Variants in IQCC observed in about 807,000 individuals in gnomAD.
IQCC encodes IQ motif containing C.
A neutral mutation model predicts 27.0 loss-of-function variants in IQCC; 23 were observed. That is an observed-to-expected ratio of 0.85 (90% CI 0.61 to 1.21). The LOEUF is 1.21. Ranked by LOEUF, IQCC falls within the 50% of genes most tolerant of loss-of-function variation. The pLI is 0.00. For synonymous variants in IQCC, 220 were observed against 217.2 expected (o/e 1.01, Z -0.11); for missense variants, 552 against 562.3 (o/e 0.98, Z 0.19).
At position 32,206,407 on chromosome 1, in the gene IQCC, CA is replaced by C. The variant is rs1643337890; in HGVS notation, c.187-101del. ...AAGAGGCAGTAGACTCACCTCCTCA[CA>C]CCCCACTCCTTAACCCTCACCAACT... On this transcript the variant is annotated intron_variant, in intron 2 of 4. Transcript: ENST00000291358. The C allele has an allele frequency of 9.4e-6, 15 of 1,597,952 alleles. No homozygotes were observed. The South Asian group carries it at 1.0e-4, about 11-fold the overall frequency.
Position 32,207,607 on chromosome 1 carries a change from T to C in IQCC, c.926T>C (p.Phe309Ser), listed in dbSNP as rs776122309. Residue 309 changes from phenylalanine (F) to serine (S), a missense_variant, in exon 5 of 5, where the codon TTT becomes TCT. By Grantham distance (155) the Phe-to-Ser change is radical. Coordinates refer to ENST00000291358, the MANE Select transcript of IQCC (RefSeq NM_018134.3). ...TKGPDDGRQT[F>S]GGTCLLQMKI... ...GGGCCAGACGATGGAAGACAGACCT[T>C]TGGAGGGACCTGCCTGCTGCAGATG... The C allele has an allele frequency of 2.5e-6, 4 of 1,613,770 alleles. No individual in the cohort carries two copies. The highest frequency in any genetic ancestry group is 1.7e-6 in the Non-Finnish European group (2 of 1,179,954).
chr1:32,206,627 T>C lies in IQCC; in HGVS notation c.305T>C (p.Val102Ala). Residue 102 changes from valine (V) to alanine (A), a missense_variant, in exon 3 of 5, where the codon GTG (valine) becomes GCG (alanine). By Grantham distance (64) the Val-to-Ala change is moderately conservative. Coordinates refer to ENST00000291358, the MANE Select transcript of IQCC (RefSeq NM_018134.3). Reference protein sequence around the residue: ...SEGEATWEEMVLKKSGESSAN... With the variant: ...SEGEATWEEMALKKSGESSAN... ...GGAGAGGCCACCTGGGAGGAGATGGTGCTGAAGAAGTCAGGAGAGAGCTCA... is the reference window on the plus strand; with the variant it reads ...GGAGAGGCCACCTGGGAGGAGATGGCGCTGAAGAAGTCAGGAGAGAGCTCA... The C allele has an allele frequency of 6.2e-7, 1 of 1,614,178 alleles. No homozygotes were observed. Among genetic ancestry groups the C allele is most frequent in the Non-Finnish European group, 8.5e-7 (1 of 1,180,024 alleles).
chr1:32,205,699 G>A lies in IQCC; in HGVS notation c.18G>A (p.Leu6=). 5 of 1,607,892 alleles carry A rather than the reference G, an allele frequency of 3.1e-6. No homozygotes were observed. The highest frequency in any genetic ancestry group is 4.2e-6 in the Non-Finnish European group (5 of 1,177,104). ...TGGCGCCCATGGAGCCAGAGCTGCT[G>A]GTTCGGAAGGTGTCTGCATTGCAGG... is the stretch of plus-strand genomic sequence containing the variant. MEPEL[L]VRKVSALQAC... is the part of the protein sequence containing the mutation. Residue 6 remains leucine, a synonymous_variant, in exon 1 of 5, where the codon CTG becomes CTA. Coordinates refer to ENST00000291358, the MANE Select transcript of IQCC (RefSeq NM_018134.3). The surrounding 1 kb of genome is among the most constrained non-coding windows in gnomAD (Gnocchi z 5.6).
In IQCC at chr1:32,207,632, G is replaced by A. The variant is rs1170120396; in HGVS notation, c.951G>A (p.Met317Ile). Residue 317 changes from methionine to isoleucine, a missense_variant, in exon 5 of 5, where the codon ATG becomes ATA. By Grantham distance (10) the Met-to-Ile change is conservative. Coordinates refer to ENST00000291358, the MANE Select transcript of IQCC (RefSeq NM_018134.3). ...TTGGAGGGACCTGCCTGCTGCAGAT[G>A]AAAATCCTGGAGGACCAGACCCCCA... ...QTFGGTCLLQ[M>I]KILEDQTPRG... 6.2e-7 allele frequency: 1 copy of A among 1,613,890 alleles called. No homozygotes were observed. The highest frequency in any genetic ancestry group is 8.5e-7 in the Non-Finnish European group (1 of 1,180,014).
rs758781945 is a variant in IQCC, at chr1:32,206,154, G to T, written c.43G>T (p.Ala15Ser). 1 of 1,613,590 alleles carries T rather than the reference G, an allele frequency of 6.2e-7. No homozygotes were observed. The highest frequency in any genetic ancestry group is 8.5e-7 in the Non-Finnish European group (1 of 1,179,578). ...LLVRKVSALQ[A>S]CVRGFLVRRQ... is the part of the protein sequence containing the mutation. ...TCTTTCCTCTCGTTCTCCATACCAGGCCTGCGTCCGGGGCTTCTTGGTCCG... is the reference window on the plus strand; with the variant it reads ...TCTTTCCTCTCGTTCTCCATACCAGTCCTGCGTCCGGGGCTTCTTGGTCCG... The change falls in exon 2 of 5, where the codon GCC (alanine) becomes TCC (serine). Residue 15 changes from alanine (A) to serine (S), a missense_variant and splice_region_variant. By Grantham distance (99) the Ala-to-Ser change is moderately conservative (BLOSUM62 1). Transcript: ENST00000291358.
chr1:32,206,395 C>T (rs1557522386), intron 2 of IQCC, 98 bp downstream of exon 2: 1 of 1,596,602 alleles, frequency 6.3e-7, no homozygotes. Context: ...AGGCAGTAGA[C>T]TCACCTCCTC....
In IQCC at chr1:32,207,004, G is replaced by A. The variant is rs764057970; in HGVS notation, c.442G>A (p.Ala148Thr). 3 of 1,606,706 alleles carry A rather than the reference G, an allele frequency of 1.9e-6. No individual in the cohort carries two copies. Among genetic ancestry groups the A allele is most frequent in the Middle Eastern group, 1.7e-4 (1 of 6,022 alleles). The change falls in exon 4 of 5, where the codon GCC becomes ACC. Residue 148 changes from alanine (A) to threonine (T), a missense_variant and splice_region_variant. Ala to Thr is a moderately conservative substitution (Grantham distance 58). Coordinates refer to ENST00000291358, the MANE Select transcript of IQCC (RefSeq NM_018134.3). ...TTCCTTTCTTCCCTCCTTCACAGAA[G>A]CCACAGATCAAAGACTGCCCCACAG... ...RDTTRMENPE[A>T]TDQRLPHSQP... is the part of the protein sequence containing the mutation.
chr1:32,206,330 G>A lies in IQCC; in HGVS notation c.186+33G>A, dbSNP rs771272563. The A allele has an allele frequency of 2.5e-6, 4 of 1,610,964 alleles. No individual in the cohort carries two copies. In the African/African-American group the frequency reaches 4.0e-5, roughly 16 times the overall value. On this transcript the variant is annotated intron_variant, in intron 2 of 4. Transcript: ENST00000291358. ...ACACCTAGGAGAGAAGGGAAGGAGG[G>A]ACTTGGGCAGGGTGGAACCCACCCT... is the stretch of plus-strand genomic sequence containing the variant.
In IQCC at chr1:32,207,387, A is replaced by G; in HGVS notation, c.706A>G (p.Arg236Gly). The G allele has an allele frequency of 6.2e-7, 1 of 1,614,060 alleles. No homozygotes were observed. The highest frequency in any genetic ancestry group is 8.5e-7 in the Non-Finnish European group (1 of 1,180,010). ...ACTGGAGGACCAGTCCTACAGAGAC[A>G]GGACCACTGGAGAGCTAGAACAGGA... ...APLEDQSYRD[R>G]TTGELEQEDD... Residue 236 changes from arginine to glycine, a missense_variant, in exon 5 of 5, where the codon AGG (arginine) becomes GGG (glycine). Physicochemically the swap from Arg to Gly is moderately radical, Grantham distance 125. Transcript: ENST00000291358.
At position 32,208,464 on chromosome 1, in the gene IQCC, C is replaced by G. The variant is rs530747775; in HGVS notation, c.*382C>G. On this transcript the variant is annotated 3_prime_UTR_variant, in exon 5 of 5. Transcript: ENST00000291358. ...ACTAAAAATATAAAAATTAGCCAGG[C>G]GTGGTGGTGCATGCCTGTAGTCCCA... 5.5e-6 allele frequency: 1 copy of G among 183,116 alleles called. No individual in the cohort carries two copies. The highest frequency in any genetic ancestry group is 1.2e-4 in the South Asian group (1 of 8,072). The allele number at this position is 183,116 out of a possible 1,614,324, so 11.3% of individuals were successfully genotyped here.
chr1:32,207,069 C>T lies in IQCC; in HGVS notation c.507C>T (p.His169=). The change falls in exon 4 of 5, where the codon CAC becomes CAT. Residue 169 remains histidine, a synonymous_variant. Coordinates refer to ENST00000291358, the MANE Select transcript of IQCC (RefSeq NM_018134.3). ...QLQELQYHRS[H]LAMELLWLQQ... ...AAGAGCTTCAGTACCACCGCAGCCA[C>T]TTGGCCATGGAATTGCTGTGGCTGC... The T allele has an allele frequency of 6.2e-7, 1 of 1,613,604 alleles. No homozygotes were observed. Among genetic ancestry groups the T allele is most frequent in the South Asian group, 1.1e-5 (1 of 91,016 alleles).
In IQCC at chr1:32,206,264, G is replaced by T. The variant is rs768000627; in HGVS notation, c.153G>T (p.Glu51Asp). ...ACCTGGGCACGCTTCAGTGGACCGA[G>T]GGCCGCATTCCCAGGCCGCGATTCC... ...EGDLGTLQWT[E>D]GRIPRPRFLP... Residue 51 changes from glutamate to aspartate, a missense_variant, in exon 2 of 5, where the codon GAG becomes GAT. Transcript: ENST00000291358. 5.0e-6 allele frequency: 8 copies of T among 1,614,074 alleles called. No homozygotes were observed. Among genetic ancestry groups the T allele is most frequent in the Non-Finnish European group, 6.8e-6 (8 of 1,180,040 alleles).
At position 32,207,928 on chromosome 1, in the gene IQCC, G is replaced by GTT; in HGVS notation, c.1247_1248insTT (p.Thr417Ter). ...CCCACTGATAGAAGCTCCAGAGATG[G>GTT]AACCTCCAATGAGCCTAGTCATGAA... On this transcript the variant is annotated frameshift_variant, in exon 5 of 5. Transcript: ENST00000291358. LOFTEE classifies it low-confidence loss of function (END_TRUNC). 5 of 1,614,158 alleles carry GTT rather than the reference G, an allele frequency of 3.1e-6. No individual in the cohort carries two copies. The highest frequency in any genetic ancestry group is 4.2e-6 in the Non-Finnish European group (5 of 1,180,014).
rs779105664 is a variant in IQCC at position 32,206,672 on chromosome 1, G to A, written c.350G>A (p.Cys117Tyr). Reference protein sequence around the residue: ...GESSANQGSLCRDHSSWLQMK... With the variant: ...GESSANQGSLYRDHSSWLQMK... ...AGCTCAGCAAATCAAGGAAGCCTCTGCAGAGATCACAGCTCCTGGCTTCAG... is the reference window on the plus strand; with the variant it reads ...AGCTCAGCAAATCAAGGAAGCCTCTACAGAGATCACAGCTCCTGGCTTCAG... The change falls in exon 3 of 5, where the codon TGC becomes TAC. Residue 117 changes from cysteine to tyrosine, a missense_variant. Cys to Tyr is a radical substitution (Grantham distance 194). Coordinates refer to ENST00000291358, the MANE Select transcript of IQCC (RefSeq NM_018134.3). 1.2e-5 allele frequency: 20 copies of A among 1,614,082 alleles called. No individual in the cohort carries two copies. The Admixed American group carries it at 3.2e-4, about 26-fold the overall frequency.
rs1643389798 is a variant in IQCC at position 32,207,355 on chromosome 1, G to A, written c.674G>A (p.Ser225Asn). ...QACERDQSQP[S>N]APLEDQSYRD... ...TGTGAGAGGGACCAGTCACAACCAA[G>A]CGCACCACTGGAGGACCAGTCCTAC... The change falls in exon 5 of 5, where the codon AGC becomes AAC. Residue 225 changes from serine (S) to asparagine (N), a missense_variant. Physicochemically the swap from Ser to Asn is conservative, Grantham distance 46. Transcript: ENST00000291358. The A allele has an allele frequency of 6.2e-7, 1 of 1,614,034 alleles. No individual in the cohort carries two copies. Among genetic ancestry groups the A allele is most frequent in the South Asian group, 1.1e-5 (1 of 91,078 alleles).
rs1482819339 is a variant in IQCC at position 32,205,930 on chromosome 1, C to T, written c.42+207C>T. ...CGCGTCCCCACTCCCACCACACGCT[C>T]GCGCCGGATCAGGGAAACGGGAAGA... On this transcript the variant is annotated intron_variant, in intron 1 of 4. Coordinates refer to ENST00000291358, the MANE Select transcript of IQCC (RefSeq NM_018134.3). The surrounding 1 kb of genome is among the most constrained non-coding windows in gnomAD (Gnocchi z 5.6). 1.3e-6 allele frequency: 2 copies of T among 1,551,614 alleles called. No individual in the cohort carries two copies. Among genetic ancestry groups the T allele is most frequent in the South Asian group, 1.2e-5 (1 of 84,356 alleles).
rs749376793 is a variant in IQCC at position 32,206,338 on chromosome 1, CA to C, written c.186+42del. The C allele has an allele frequency of 9.3e-6, 15 of 1,608,738 alleles. No homozygotes were observed. The African/African-American group carries it at 2.0e-4, about 21-fold the overall frequency. On this transcript the variant is annotated intron_variant, in intron 2 of 4. Coordinates refer to ENST00000291358, the MANE Select transcript of IQCC (RefSeq NM_018134.3). ...GAGAGAAGGGAAGGAGGGACTTGGGCAGGGTGGAACCCACCCTTCCCAGTGA... is the reference window on the plus strand; with the variant it reads ...GAGAGAAGGGAAGGAGGGACTTGGGCGGGTGGAACCCACCCTTCCCAGTGA...
chr1:32,207,590 C>G lies in IQCC; in HGVS notation c.909C>G (p.Asp303Glu), dbSNP rs773541178. The change falls in exon 5 of 5, where the codon GAC becomes GAG. Residue 303 changes from aspartate (D) to glutamate (E), a missense_variant. Physicochemically the swap from Asp to Glu is conservative, Grantham distance 45. Transcript: ENST00000291358. The part of the protein sequence containing the change: ...ALGDRLTKGP[D>E]DGRQTFGGTC... The stretch of plus-strand genomic sequence containing the variant: ...GGGACAGGCTCACCAAAGGGCCAGA[C>G]GATGGAAGACAGACCTTTGGAGGGA... 5.0e-6 allele frequency: 8 copies of G among 1,613,350 alleles called. No homozygotes were observed. The South Asian group carries it at 8.8e-5, about 18-fold the overall frequency.
In IQCC at chr1:32,208,521, T is replaced by C. The variant is rs1643453281; in HGVS notation, c.*439T>C. On this transcript the variant is annotated 3_prime_UTR_variant, in exon 5 of 5. Coordinates refer to ENST00000291358, the MANE Select transcript of IQCC (RefSeq NM_018134.3). ...CGGGAGGCTGAGACAGGAGAATCGCTTGAACCCAGGAGATGGAGATTGCAG... is the reference window on the plus strand; with the variant it reads ...CGGGAGGCTGAGACAGGAGAATCGCCTGAACCCAGGAGATGGAGATTGCAG... The C allele has an allele frequency of 5.8e-6, 1 of 172,166 alleles. No homozygotes were observed. The highest frequency in any genetic ancestry group is 5.5e-5 in the Admixed American group (1 of 18,282). The allele number at this position is 172,166 out of a possible 1,614,324, so 10.7% of individuals were successfully genotyped here.
Sources: gnomAD v4.1 joint callset for allele counts on GRCh38, gnomAD v4.1.1 for gene constraint, Gnocchi (gnomAD v3.1) non-coding constraint, MANE v1.5 for transcripts, NCBI Gene and HGNC (gene_info 2026-07-23, HGNC 2026-07-21) for gene names.